KCNQ5: variants seen among roughly 807,000 people sequenced by gnomAD.
KCNQ5 encodes the protein potassium voltage-gated channel subfamily Q member 5.
KCNQ5 carries 30 observed loss-of-function variants against 98.2 expected under a neutral mutation model. The observed-to-expected ratio is 0.31, with a 90% CI of 0.23 to 0.41. The LOEUF (loss-of-function observed/expected upper bound fraction) is 0.41. Ranked by LOEUF, KCNQ5 falls within the 10% of genes least tolerant of loss-of-function variation. KCNQ5 has a pLI of 1.00. For synonymous variants in KCNQ5, 458 were observed against 449.4 expected (o/e 1.02, Z -0.24); for missense variants, 835 against 1,182.5 (o/e 0.71, Z 4.31).
At chr6:72,629,914 G>A (rs2098919898) in intron 1 of KCNQ5, among the ~76,000 whole-genome samples, 1 of 152,114 alleles carries the variant, frequency 6.6e-6, no homozygotes, top group Admixed American at 6.5e-5. Context: ...AGAGTTTCAG[G>A]TGATCTTTTA....
chr6:73,072,163 G>A (rs1212316837), intron 3 of KCNQ5, among the ~76,000 whole-genome samples: 1 of 152,038 alleles, frequency 6.6e-6, no homozygotes, highest in South Asian at 2.1e-4. Flanking sequence ...AACTTTCTGA[G>A]ACTATAGAAT....
At chr6:72,827,253 G>A (rs1776044777) in intron 1 of KCNQ5, among the ~76,000 whole-genome samples, 1 of 152,058 alleles carries the variant, frequency 6.6e-6, no homozygotes, top group Non-Finnish European at 1.5e-5. Flanking sequence ...TAGTGGCATT[G>A]CTGGATTATA....
intron 1 of KCNQ5, among the ~76,000 whole-genome samples, chr6:72,631,644 T>C (rs1247018847): frequency 1.3e-5 from 2 of 152,176 alleles, no homozygotes; most frequent in Admixed American, 1.3e-4. Flanking sequence ...AGTGAAGCAG[T>C]GAGGGCAGAG....
chr6:72,786,424 TAAGTA>T (rs1449369352), intron 1 of KCNQ5, among the ~76,000 whole-genome samples: 1 of 152,100 alleles, frequency 6.6e-6, no homozygotes, highest in Non-Finnish European at 1.5e-5. Context: ...GTAAAATAAA[TAAGTA>T]AATAAATAAA....
In KCNQ5 at chr6:73,100,998, T is replaced by A. The variant is rs571578236; in HGVS notation, c.919-4259T>A. Among the ~76,000 whole-genome samples, 17 of 152,050 alleles carry A rather than the reference T, an allele frequency of 1.1e-4. No homozygotes were observed. The South Asian group carries it at 3.3e-3, about 30-fold the overall frequency. ...AATGAGATTGAAGCCATAAAAAAAA[T>A]TATCCCAGCAAAGAAAAACCTGAAA... On this transcript the variant is annotated intron_variant, in intron 5 of 13. Transcript: ENST00000370398.
intron 2 of KCNQ5, among the ~76,000 whole-genome samples, chr6:73,018,892 A>G (rs1474433817): frequency 6.6e-6 from 1 of 152,130 alleles, no homozygotes; most frequent in African/African-American, 2.4e-5. Context: ...ACCAAGCTTG[A>G]AGGAATGCAG....
intron 5 of KCNQ5, among the ~76,000 whole-genome samples, chr6:73,084,182 T>C (rs1250390994): frequency 1.3e-5 from 2 of 152,158 alleles, no homozygotes; most frequent in African/African-American, 2.4e-5. Context: ...TATGCACATA[T>C]AGAACTGGCA....
chr6:73,188,027 T>C (rs932123569), intron 11 of KCNQ5, among the ~76,000 whole-genome samples: 2 of 152,042 alleles, frequency 1.3e-5, no homozygotes, highest in African/African-American at 4.8e-5. Flanking sequence ...ACCACAAATG[T>C]GTGAGCTACA....
intron 2 of KCNQ5, among the ~76,000 whole-genome samples, chr6:73,022,464 A>G (rs1016975909): frequency 5.3e-5 from 8 of 152,122 alleles, no homozygotes; most frequent in Non-Finnish European, 8.8e-5. Flanking sequence ...CAACACAGTA[A>G]GTCCTCATCT....
chr6:72,861,347 C>T (rs143007540), intron 1 of KCNQ5, among the ~76,000 whole-genome samples: 61 of 152,120 alleles, frequency 4.0e-4, no homozygotes, highest in African/African-American at 1.4e-3. Flanking sequence ...TCCTAGGGGA[C>T]AGTAACAAAA....
At chr6:72,814,320 A>C (rs1328394843) in intron 1 of KCNQ5, among the ~76,000 whole-genome samples, 1 of 152,196 alleles carries the variant, frequency 6.6e-6, no homozygotes, top group Non-Finnish European at 1.5e-5. Context: ...GCCTGGCTTC[A>C]AGTCGTCACT....
intron 1 of KCNQ5, among the ~76,000 whole-genome samples, chr6:72,870,622 C>G (rs758159766): frequency 4.6e-5 from 7 of 152,234 alleles, no homozygotes; most frequent in African/African-American, 1.7e-4. Context: ...ACAATAAATT[C>G]GGCATCTTTA....
intron 1 of KCNQ5, among the ~76,000 whole-genome samples, chr6:72,644,119 T>C (rs1321167935): frequency 6.6e-6 from 1 of 152,176 alleles, no homozygotes; most frequent in East Asian, 1.9e-4. Flanking sequence ...CTCATTCTGT[T>C]CCATAAGGTC....
chr6:73,011,782 AC>A (rs1330465685), intron 2 of KCNQ5, among the ~76,000 whole-genome samples: 1 of 152,026 alleles, frequency 6.6e-6, no homozygotes, highest in Non-Finnish European at 1.5e-5. Context: ...AACAAAAACA[AC>A]CTAATTCAAA....
chr6:73,177,286 C>T (rs141958206), intron 11 of KCNQ5, among the ~76,000 whole-genome samples: 4 of 152,296 alleles, frequency 2.6e-5, no homozygotes, highest in African/African-American at 9.6e-5. Flanking sequence ...CTAATATGAA[C>T]ATAGATGAAG....
chr6:72,882,231 C>T (rs946476932), intron 1 of KCNQ5, among the ~76,000 whole-genome samples: 1 of 152,148 alleles, frequency 6.6e-6, no homozygotes, highest in Non-Finnish European at 1.5e-5. Context: ...ACTTCAAAGG[C>T]CAAAATATCC....
chr6:72,932,783 T>C (rs1231295190), intron 1 of KCNQ5, among the ~76,000 whole-genome samples: 1 of 152,218 alleles, frequency 6.6e-6, no homozygotes, highest in African/African-American at 2.4e-5. Flanking sequence ...TTATATGTGG[T>C]ATAAAATTAA....
chr6:72,655,323 A>C (rs1177401177), intron 1 of KCNQ5, among the ~76,000 whole-genome samples: 1 of 151,970 alleles, frequency 6.6e-6, no homozygotes, highest in Admixed American at 6.6e-5. Context: ...ATTTTTTAGC[A>C]CTATGTTAGG....
chr6:72,978,435 G>A lies in KCNQ5; in HGVS notation c.399-25473G>A, dbSNP rs532057091. ...AAACATCCTTTTCAACTGCTATCAAGAAGCAGAGCCTTTTTATTTATTTTG... is the reference window on the plus strand; with the variant it reads ...AAACATCCTTTTCAACTGCTATCAAAAAGCAGAGCCTTTTTATTTATTTTG... On this transcript the variant is annotated intron_variant, in intron 1 of 13. Coordinates refer to ENST00000370398, the MANE Select transcript of KCNQ5 (RefSeq NM_019842.4). Among the ~76,000 whole-genome samples, 16 of 152,336 alleles carry A rather than the reference G, an allele frequency of 1.1e-4. 1 individual carries two copies. Among genetic ancestry groups the A allele is most frequent in the African/African-American group, 3.6e-4 (15 of 41,574 alleles).
Sources: gnomAD v4.1 joint callset for allele counts (sites outside exome capture counted in the v4.1 genomes callset) on GRCh38, gnomAD v4.1.1 for gene constraint, MANE v1.5 for transcripts, NCBI Gene and HGNC (gene_info 2026-07-23, HGNC 2026-07-21) for gene names.